The following GSTA1 variants were observed in gnomAD, a reference collection of about 807,000 sequenced individuals.
GSTA1 encodes the protein glutathione S-transferase A1.
Under a neutral mutation model 21.5 loss-of-function variants are expected in GSTA1, and 23 were observed. That is an observed-to-expected ratio of 1.07 (90% confidence interval 0.77 to 1.52). GSTA1 has a LOEUF of 1.52. Ranked by LOEUF, GSTA1 falls within the 40% of genes most tolerant of loss-of-function variation. The pLI, the probability that GSTA1 is intolerant of heterozygous loss-of-function variation, is 0.00. For missense variants in GSTA1, 301 were observed against 264.2 expected (o/e 1.14, Z -0.96); for synonymous variants, 125 against 90.0 (o/e 1.39, Z -2.20).
At chr6:52,801,118 T>A (rs1763705985) in intron 1 of GSTA1, among the ~76,000 whole-genome samples, 1 of 152,166 alleles carries the variant, frequency 6.6e-6, no homozygotes, top group Admixed American at 6.5e-5. Flanking sequence ...TGACCTCAGG[T>A]GATCCACTCG....
intron 3 of GSTA1, among the ~76,000 whole-genome samples, chr6:52,797,068 T>C (rs1763609200): frequency 6.6e-6 from 1 of 152,068 alleles, no homozygotes; most frequent in South Asian, 2.1e-4. Context: ...GTTCCCAGAG[T>C]AAGTCTCATG....
At chr6:52,800,381 T>C (rs1763686906) in intron 1 of GSTA1, among the ~76,000 whole-genome samples, 1 of 152,200 alleles carries the variant, frequency 6.6e-6, no homozygotes, top group South Asian at 2.1e-4. Flanking sequence ...AATCTTTCAG[T>C]AGATTGTGAA....
At chr6:52,797,703 G>A in intron 2 of GSTA1, 66 bp from the exon 3 acceptor site, 3 of 1,331,250 alleles carry the variant, frequency 2.3e-6, no homozygotes, top group Non-Finnish European at 2.2e-6. Flanking sequence ...GCCTTGAATG[G>A]CCCCATCTGG....
At chr6:52,803,370 T>C (rs1712131165) in intron 1 of GSTA1, among the ~76,000 whole-genome samples, 1 of 152,092 alleles carries the variant, frequency 6.6e-6, no homozygotes, top group Non-Finnish European at 1.5e-5. Flanking sequence ...TAAACCTGAG[T>C]TTTGTATTTT....
In GSTA1 at chr6:52,796,272, T is replaced by C. The variant is rs765549869; in HGVS notation, c.182A>G (p.Asp61Gly). The C allele has an allele frequency of 5.6e-6, 9 of 1,613,494 alleles. No homozygotes were observed. The East Asian group carries it at 2.0e-4, about 36-fold the overall frequency. ...MFQQVPMVEI[D>G]GMKLVQTRAI... is the part of the protein sequence containing the mutation. Reference sequence around the variant, plus strand: ...TCTGGTCTGCACCAGCTTCATCCCATCAATCTCAACCATTGGCACTTGCTG... The same window carrying C: ...TCTGGTCTGCACCAGCTTCATCCCACCAATCTCAACCATTGGCACTTGCTG... Residue 61 changes from aspartate to glycine, a missense_variant, in exon 4 of 7, where the codon GAT (aspartate) becomes GGT (glycine). Asp to Gly is a moderately conservative substitution (Grantham distance 94). Transcript: ENST00000334575.
At chr6:52,793,588 C>A (rs143098181) in intron 5 of GSTA1, among the ~76,000 whole-genome samples, 52 of 152,256 alleles carry the variant, frequency 3.4e-4, no homozygotes, top group African/African-American at 1.2e-3. Context: ...GAAGCGTTTA[C>A]GGGTGAACTG....
intron 6 of GSTA1, among the ~76,000 whole-genome samples, chr6:52,792,356 T>C (rs1763478128): frequency 6.6e-6 from 1 of 152,090 alleles, no homozygotes; most frequent in East Asian, 1.9e-4. Context: ...GGAATAGTTA[T>C]AGAAAATATT....
intron 2 of GSTA1, among the ~76,000 whole-genome samples, chr6:52,798,945 C>T (rs1255028171): frequency 6.6e-6 from 1 of 152,076 alleles, no homozygotes; most frequent in Non-Finnish European, 1.5e-5. Flanking sequence ...AATTCTAATC[C>T]ACTTAAGTTC....
At chr6:52,792,058 C>T (rs1379530381) in intron 6 of GSTA1, 78 bp from the exon 7 acceptor site, 1 of 1,592,276 alleles carries the variant, frequency 6.3e-7, no homozygotes, top group Non-Finnish European at 8.5e-7. Flanking sequence ...GAATCTGAGC[C>T]CCTCCTGCAA....
At chr6:52,798,135 G>C (rs1264300649) in intron 2 of GSTA1, among the ~76,000 whole-genome samples, 2 of 152,212 alleles carry the variant, frequency 1.3e-5, no homozygotes, top group African/African-American at 4.8e-5. Flanking sequence ...GGTCGCCACT[G>C]TTGCACAGCT....
At chr6:52,798,500 C>T (rs1233760731) in intron 2 of GSTA1, among the ~76,000 whole-genome samples, 1 of 99,960 alleles carries the variant, frequency 1.0e-5, no homozygotes, top group African/African-American at 3.9e-5. Context: ...TAGTTTGTTA[C>T]AATCCACTCC....
intron 1 of GSTA1, among the ~76,000 whole-genome samples, chr6:52,800,686 T>C (rs1184163935): frequency 6.6e-6 from 1 of 152,056 alleles, no homozygotes; most frequent in Non-Finnish European, 1.5e-5. Context: ...ATGCAACTAA[T>C]TGTATCATGA....
rs765353023 is a variant in GSTA1, at chr6:52,792,743, G to A, written c.546+113C>T. On this transcript the variant is annotated intron_variant, in intron 6 of 6. Transcript: ENST00000334575. ...GGAAGCTCATTTTGGAGACCTTGGG[G>A]CACTGAAGGCCTGGAGAAGACTGGG... 6.8e-6 allele frequency: 11 copies of A among 1,609,146 alleles called. No homozygotes were observed. In the African/African-American group the frequency reaches 1.3e-4, roughly 20 times the overall value.
intron 4 of GSTA1, among the ~76,000 whole-genome samples, 162 bp from the exon 5 acceptor site, chr6:52,794,428 T>G (rs1267805145): frequency 6.6e-6 from 1 of 152,204 alleles, no homozygotes; most frequent in African/African-American, 2.4e-5. Flanking sequence ...TACAGGTATA[T>G]TAACATTTAT....
chr6:52,797,985 G>C (rs1763629570), intron 2 of GSTA1, among the ~76,000 whole-genome samples: 1 of 152,196 alleles, frequency 6.6e-6, no homozygotes, highest in Non-Finnish European at 1.5e-5. Context: ...GTGTCTCCAA[G>C]TGAGATCAGA....
intron 3 of GSTA1, 35 bp downstream of exon 3, chr6:52,797,551 T>C (rs779769234): frequency 1.9e-5 from 29 of 1,542,222 alleles, no homozygotes; most frequent in Middle Eastern, 1.7e-4. Context: ...TTCTACTAGA[T>C]ACCCTCATCA....
Position 52,793,988 on chromosome 6 carries a change from C to T in GSTA1, c.414+137G>A, listed in dbSNP as rs1028784312. On this transcript the variant is annotated intron_variant, in intron 5 of 6. Coordinates refer to ENST00000334575, the MANE Select transcript of GSTA1 (RefSeq NM_145740.5). ...CTCCAAGTCTATTTTCATAAAATGC[C>T]TTGAGAGTCAGAGTGCTGCATTGGT... 332 of 1,025,768 alleles carry T rather than the reference C, an allele frequency of 3.2e-4. 3 individuals carry two copies. Among genetic ancestry groups the T allele is most frequent in the Non-Finnish European group, 5.4e-5 (37 of 681,710 alleles). 63.5% of individuals were successfully genotyped at this position (1,025,768 alleles called of 1,614,324 possible).
At chr6:52,793,378 T>C (rs1763504190) in intron 5 of GSTA1, among the ~76,000 whole-genome samples, 1 of 152,054 alleles carries the variant, frequency 6.6e-6, no homozygotes, top group Admixed American at 6.5e-5. Flanking sequence ...CCAATCTCCC[T>C]TGGGCAGTGA....
At position 52,792,913 on chromosome 6, in the gene GSTA1, A is replaced by C. The variant is rs746870681; in HGVS notation, c.489T>G (p.Leu163=). The stretch of plus-strand genomic sequence containing the variant: ...AGTCAAGCTCCTCGACGTAGTAGAG[A>C]AGTTCCACCAGATGAATGTCAGCCC... ...LSRADIHLVE[L]LYYVEELDSS... The change falls in exon 6 of 7, where the codon CTT becomes CTG. Residue 163 remains leucine (L), a synonymous_variant. Transcript: ENST00000334575. 2 of 1,614,104 alleles carry C rather than the reference A, an allele frequency of 1.2e-6. No individual in the cohort carries two copies.
Sources: gnomAD v4.1 joint callset for allele counts (sites outside exome capture counted in the v4.1 genomes callset) on GRCh38, gnomAD v4.1.1 for gene constraint, MANE v1.5 for transcripts, NCBI Gene and HGNC (gene_info 2026-07-23, HGNC 2026-07-21) for gene names.